WDR64: variants seen among roughly 807,000 people sequenced by gnomAD.
The protein encoded by WDR64 is WD repeat-containing protein 64.
A neutral mutation model predicts 139.3 loss-of-function variants in WDR64; 112 were observed. The ratio of observed to expected loss-of-function variants is 0.80; its 90% confidence interval spans 0.69 to 0.94. The LOEUF (loss-of-function observed/expected upper bound fraction) is 0.94, where lower values mean the gene tolerates loss of function less well. WDR64 is among the 40% of genes least tolerant of loss of function. The pLI is 0.00. For synonymous variants in WDR64, 444 were observed against 437.7 expected (o/e 1.01, Z -0.18); for missense variants, 1,206 against 1,293.1 (o/e 0.93, Z 1.03).
chr1:241,714,664 C>T (rs574936032), intron 9 of WDR64, among the ~76,000 whole-genome samples: 3 of 152,030 alleles, frequency 2.0e-5, no homozygotes, highest in African/African-American at 7.2e-5. Flanking sequence ...CCTTCTATAA[C>T]ACTAAACTGA....
intron 23 of WDR64, among the ~76,000 whole-genome samples, chr1:241,785,890 AG>A (rs1314680577): frequency 6.6e-6 from 1 of 152,226 alleles, no homozygotes; most frequent in Non-Finnish European, 1.5e-5. Context: ...AAGGTAGCTA[AG>A]GTTCTGTATC....
intron 8 of WDR64, among the ~76,000 whole-genome samples, chr1:241,706,396 A>G (rs1333628847): frequency 2.0e-5 from 3 of 152,250 alleles, no homozygotes; most frequent in Admixed American, 1.3e-4. Context: ...AAAGAAAATA[A>G]TGCCCTTCCT....
At position 241,791,002 on chromosome 1, in the gene WDR64, T is replaced by C. The variant is rs565926402; in HGVS notation, c.2997+306T>C. 2.0e-5 allele frequency among the ~76,000 whole-genome samples: 3 copies of C among 152,152 alleles called. No homozygotes were observed. In the East Asian group the frequency reaches 5.8e-4, roughly 29 times the overall value. The stretch of plus-strand genomic sequence containing the variant: ...CTTCCTTCATCTTCAAAGCCAGCAA[T>C]GGGCCAGACATGGTGGCTTACCTCT... On this transcript the variant is annotated intron_variant, in intron 25 of 27. Coordinates refer to ENST00000437684, the MANE Select transcript of WDR64 (RefSeq NM_001367482.1).
In WDR64 at chr1:241,796,515, G is replaced by A. The variant is rs188316815; in HGVS notation, c.3192+145G>A. 1.3e-3 allele frequency: 740 copies of A among 589,328 alleles called. 5 individuals carry two copies. In the African/African-American group the frequency reaches 0.013, roughly 10 times the overall value. The allele number at this position is 589,328 out of a possible 1,614,324, so 36.5% of individuals were successfully genotyped here. A position where few individuals can be genotyped will look rare whatever the true frequency, so the allele number is the denominator to read the frequency against. On this transcript the variant is annotated intron_variant, in intron 27 of 27. Coordinates refer to ENST00000437684, the MANE Select transcript of WDR64 (RefSeq NM_001367482.1). ...TACTTTTTTTTTTTTTTCTTGAGGC[G>A]GAGTTTCCCTCTTGTTGCCCAGGCT...
Position 241,801,268 on chromosome 1 carries a change from T to C in WDR64, c.*53T>C. 1.4e-6 allele frequency: 2 copies of C among 1,434,984 alleles called. No homozygotes were observed. Among genetic ancestry groups the C allele is most frequent in the Non-Finnish European group, 2.0e-6 (2 of 1,020,376 alleles). The allele number at this position is 1,434,984 out of a possible 1,614,324, so 88.9% of individuals were successfully genotyped here. On this transcript the variant is annotated 3_prime_UTR_variant, in exon 28 of 28. Coordinates refer to ENST00000437684, the MANE Select transcript of WDR64 (RefSeq NM_001367482.1). ...ACATAAAATGGCAACGTTTGGATGA[T>C]ACCTGCTCTTTATTTCAGGATGAGA...
rs568851231 is a variant in WDR64, at chr1:241,674,761, C to T, written c.483+14C>T. On this transcript the variant is annotated intron_variant, in intron 4 of 27. Transcript: ENST00000437684. ...TTTAATAACCAGGTAATTTCTTTTT[C>T]TTTTTTTAACTGAATGACTCATTTT... 4.2e-3 allele frequency: 6,058 copies of T among 1,456,204 alleles called. 222 individuals carry two copies. In the African/African-American group the frequency reaches 0.077, roughly 18 times the overall value. 90.2% of individuals were successfully genotyped at this position (1,456,204 alleles called of 1,614,324 possible). A position where few individuals can be genotyped will look rare whatever the true frequency, so the allele number is the denominator to read the frequency against.
rs1224916872 is a variant in WDR64 at position 241,656,358 on chromosome 1, A to G, written c.145+3729A>G. Among the ~76,000 whole-genome samples, 1 of 152,218 alleles carries G rather than the reference A, an allele frequency of 6.6e-6. No homozygotes were observed. Among genetic ancestry groups the G allele is most frequent in the Non-Finnish European group, 1.5e-5 (1 of 68,028 alleles). On this transcript the variant is annotated intron_variant, in intron 1 of 27. Coordinates refer to ENST00000437684, the MANE Select transcript of WDR64 (RefSeq NM_001367482.1). This position sits in a 1 kb window ranked among gnomAD's most constrained non-coding sequence, Gnocchi z 4.3. ...TCAAGTAGATTGAAGGAATTTGTTC[A>G]AAAGTAATGCTCTTAGATCTTGTGA... is the stretch of plus-strand genomic sequence containing the variant.
At chr1:241,747,275 CAT>C (rs1188535464) in intron 13 of WDR64, among the ~76,000 whole-genome samples, 11 of 152,144 alleles carry the variant, frequency 7.2e-5, no homozygotes, top group African/African-American at 2.7e-4. Context: ...GAACTAAACG[CAT>C]ACACACACGA....
intron 19 of WDR64, among the ~76,000 whole-genome samples, chr1:241,772,499 G>C (rs1456996856): frequency 1.0e-5 from 1 of 97,278 alleles, no homozygotes; most frequent in Non-Finnish European, 1.9e-5. Context: ...GTTTCACTCT[G>C]TCCCCCAGGC....
At chr1:241,761,284 T>A (rs1657884174) in intron 15 of WDR64, among the ~76,000 whole-genome samples, 1 of 152,082 alleles carries the variant, frequency 6.6e-6, no homozygotes, top group African/African-American at 2.4e-5. Flanking sequence ...AAAATCTAGT[T>A]AAAATTACAT....
intron 13 of WDR64, among the ~76,000 whole-genome samples, chr1:241,748,916 T>C (rs1482260954): frequency 2.1e-5 from 3 of 145,274 alleles, no homozygotes; most frequent in Non-Finnish European, 4.5e-5. Flanking sequence ...CCAGCCTGGG[T>C]GACAGAGTGA....
At chr1:241,684,018 C>T (rs953637506) in intron 7 of WDR64, among the ~76,000 whole-genome samples, 2 of 151,450 alleles carry the variant, frequency 1.3e-5, no homozygotes, top group African/African-American at 4.9e-5. Context: ...AAAATTAAAT[C>T]GTGAAAAAAA....
chr1:241,749,746 G>A lies in WDR64; in HGVS notation c.1770+24G>A, dbSNP rs773018301. 12 of 1,577,054 alleles carry A rather than the reference G, an allele frequency of 7.6e-6. No individual in the cohort carries two copies. The South Asian group carries it at 1.0e-4, about 13-fold the overall frequency. On this transcript the variant is annotated intron_variant, in intron 14 of 27. Coordinates refer to ENST00000437684, the MANE Select transcript of WDR64 (RefSeq NM_001367482.1). The stretch of plus-strand genomic sequence containing the variant: ...AGGTTTACAATCCCACTTCATACTC[G>A]TACTGCAGGTGCCCTTTTTGGGAAA...
chr1:241,719,909 T>C (rs1336997612), intron 9 of WDR64, among the ~76,000 whole-genome samples: 1 of 152,162 alleles, frequency 6.6e-6, no homozygotes, highest in African/African-American at 2.4e-5. Context: ...ACCTATCACC[T>C]GGATATTAAG....
At chr1:241,751,624 G>C (rs909599868) in intron 14 of WDR64, among the ~76,000 whole-genome samples, 4 of 152,200 alleles carry the variant, frequency 2.6e-5, no homozygotes, top group Admixed American at 6.5e-5. Flanking sequence ...TGTTCAGACA[G>C]TCCTTAACGG....
intron 2 of WDR64, among the ~76,000 whole-genome samples, chr1:241,663,538 TG>T (rs1308646275): frequency 2.6e-5 from 4 of 152,180 alleles, no homozygotes; most frequent in African/African-American, 9.6e-5. Context: ...TTGGCCCCTT[TG>T]GGGAGAGAAT....
chr1:241,734,030 C>T (rs774413215), intron 10 of WDR64, among the ~76,000 whole-genome samples: 3 of 152,050 alleles, frequency 2.0e-5, no homozygotes, highest in Non-Finnish European at 2.9e-5. Flanking sequence ...AGGGAAAAGT[C>T]AATCTGGGAA....
intron 25 of WDR64, among the ~76,000 whole-genome samples, chr1:241,794,915 G>A (rs1431554318): frequency 6.6e-6 from 1 of 152,068 alleles, no homozygotes; most frequent in African/African-American, 2.4e-5. Context: ...CAGCAGTCTT[G>A]TTTTGTCCAT....
intron 3 of WDR64, among the ~76,000 whole-genome samples, chr1:241,671,708 C>T (rs1283171722): frequency 6.6e-6 from 1 of 152,136 alleles, no homozygotes; most frequent in African/African-American, 2.4e-5. Flanking sequence ...GAGCCTGGGA[C>T]CCAGGACCTC....
Sources: gnomAD v4.1 joint callset for allele counts (sites outside exome capture counted in the v4.1 genomes callset) on GRCh38, gnomAD v4.1.1 for gene constraint, Gnocchi (gnomAD v3.1) non-coding constraint, MANE v1.5 for transcripts, NCBI Gene and HGNC (gene_info 2026-07-23, HGNC 2026-07-21) for gene names.